Variants in AGBL4 observed in about 807,000 individuals in gnomAD.
AGBL4 encodes the protein AGBL carboxypeptidase 4, also known as cytosolic carboxypeptidase 6.
In AGBL4, 58 loss-of-function variants were observed where a neutral mutation model predicts 66.4. The ratio of observed to expected loss-of-function variants is 0.87; its 90% CI spans 0.71 to 1.09. The LOEUF (loss-of-function observed/expected upper bound fraction) is 1.09. Among genes scored for constraint, AGBL4 ranks in the 50% least tolerant of loss-of-function variants. The probability of loss-of-function intolerance (pLI) is 0.00; values close to 1 mark genes in which losing one functional copy is unlikely to be tolerated. For synonymous variants in AGBL4, 234 were observed against 222.9 expected, an observed-to-expected ratio of 1.05 and a Z score of -0.44; for missense variants, 579 against 631.0, an observed-to-expected ratio of 0.92 and a Z score of 0.88.
chr1:49,196,141 T>C (rs1229551608), intron 4 of AGBL4, among the ~76,000 whole-genome samples: 1 of 152,230 alleles, frequency 6.6e-6, no homozygotes. Context: ...AGTACTTCTT[T>C]ACAGAAGTAT....
intron 11 of AGBL4, among the ~76,000 whole-genome samples, chr1:48,565,458 TACCCCTG>T (rs1489970249): frequency 6.6e-6 from 1 of 152,214 alleles, no homozygotes; most frequent in Non-Finnish European, 1.5e-5. Flanking sequence ...TTCTAGTATC[TACCCCTG>T]AGTCAGGCCT....
intron 2 of AGBL4, among the ~76,000 whole-genome samples, chr1:49,733,805 C>T (rs867030954): frequency 1.3e-5 from 2 of 150,276 alleles, no homozygotes; most frequent in Admixed American, 1.3e-4. Context: ...TACTCTACAA[C>T]CAAAGCCAGG....
At chr1:48,937,063 A>G (rs1379765134) in intron 5 of AGBL4, among the ~76,000 whole-genome samples, 1 of 152,222 alleles carries the variant, frequency 6.6e-6, no homozygotes, top group Non-Finnish European at 1.5e-5. Flanking sequence ...AGGTAAATCA[A>G]GGCCGGAAGT....
At chr1:48,792,340 T>C (rs1645571136) in intron 6 of AGBL4, among the ~76,000 whole-genome samples, 1 of 152,146 alleles carries the variant, frequency 6.6e-6, no homozygotes, top group Admixed American at 6.5e-5. Context: ...TGGACTTGTA[T>C]CAACAACAGT....
At chr1:49,523,615 T>C (rs1179688892) in intron 3 of AGBL4, among the ~76,000 whole-genome samples, 1 of 152,090 alleles carries the variant, frequency 6.6e-6, no homozygotes, top group Non-Finnish European at 1.5e-5. Flanking sequence ...GAAGACTATA[T>C]TCTGAAAAGA....
intron 3 of AGBL4, among the ~76,000 whole-genome samples, chr1:49,320,133 T>C (rs1472882934): frequency 6.6e-6 from 1 of 152,080 alleles, no homozygotes; most frequent in Admixed American, 6.6e-5. Context: ...GGTTTTACCA[T>C]GTTGCCCAGC....
chr1:48,820,296 C>T (rs546227114), intron 6 of AGBL4, among the ~76,000 whole-genome samples: 1 of 152,190 alleles, frequency 6.6e-6, no homozygotes, highest in East Asian at 1.9e-4. Flanking sequence ...ATAACTGGTA[C>T]AGAATATAGA....
intron 3 of AGBL4, among the ~76,000 whole-genome samples, chr1:49,663,228 C>A (rs545585339): frequency 6.6e-6 from 1 of 152,138 alleles, no homozygotes; most frequent in African/African-American, 2.4e-5. Context: ...TGCTGTCCAC[C>A]AAAATTTTGT....
chr1:48,633,199 A>G (rs150906780), intron 9 of AGBL4, among the ~76,000 whole-genome samples: 115 of 152,352 alleles, frequency 7.5e-4, no homozygotes, highest in African/African-American at 2.7e-3. Flanking sequence ...TGAGTTTCAT[A>G]GCCAAGAAAA....
At chr1:48,995,399 T>A (rs919974655) in intron 5 of AGBL4, among the ~76,000 whole-genome samples, 1 of 152,220 alleles carries the variant, frequency 6.6e-6, no homozygotes, top group African/African-American at 2.4e-5. Flanking sequence ...CAGATATTTA[T>A]TGAATGTTTA....
chr1:49,490,703 C>A (rs1330721578), intron 3 of AGBL4, among the ~76,000 whole-genome samples: 1 of 151,656 alleles, frequency 6.6e-6, no homozygotes, highest in Non-Finnish European at 1.5e-5. Flanking sequence ...ATTTGCTTTG[C>A]AAACCACATG....
chr1:48,670,869 G>A (rs1038547726), intron 6 of AGBL4, among the ~76,000 whole-genome samples: 24 of 152,374 alleles, frequency 1.6e-4, no homozygotes, highest in African/African-American at 5.8e-4. Context: ...TTCCCATACA[G>A]GAGCTTTACT....
At chr1:49,634,543 T>C (rs1316256608) in intron 3 of AGBL4, among the ~76,000 whole-genome samples, 1 of 152,216 alleles carries the variant, frequency 6.6e-6, no homozygotes, top group Non-Finnish European at 1.5e-5. Flanking sequence ...TGTGTCTTTA[T>C]GGTAGAATGA....
chr1:49,672,836 G>A (rs923164429), intron 3 of AGBL4, among the ~76,000 whole-genome samples: 3 of 149,550 alleles, frequency 2.0e-5, no homozygotes, highest in Non-Finnish European at 4.4e-5. Context: ...CATGAAAATC[G>A]CTTGAACCCA....
At chr1:49,494,382 G>T (rs1338720789) in intron 3 of AGBL4, among the ~76,000 whole-genome samples, 1 of 151,614 alleles carries the variant, frequency 6.6e-6, no homozygotes, top group East Asian at 1.9e-4. Flanking sequence ...CCACTAACTC[G>T]TCATCTAGCA....
rs565769696 is a variant in AGBL4, at chr1:49,817,767, T to C, written c.157+33629A>G. ...GGCTAACATCTAATCCCATTTGTAATGCTGATCCAGCAAGAAAGAAATTAA... is the reference window on the plus strand; with the variant it reads ...GGCTAACATCTAATCCCATTTGTAACGCTGATCCAGCAAGAAAGAAATTAA... On this transcript the variant is annotated intron_variant, in intron 2 of 13. Transcript: ENST00000371839. Among the ~76,000 whole-genome samples the C allele has an allele frequency of 4.6e-5, 7 of 152,356 alleles. No individual in the cohort carries two copies. The East Asian group carries it at 7.7e-4, about 17-fold the overall frequency.
At chr1:49,392,698 T>TACAC (rs55786055) in intron 3 of AGBL4, among the ~76,000 whole-genome samples, 4,379 of 147,582 alleles carry the variant, frequency 0.03, 152 homozygotes, top group African/African-American at 0.089. Context: ...CAACTGTGTA[T>TACAC]ACACACACAC....
At chr1:49,170,365 T>A (rs1286648887) in intron 4 of AGBL4, among the ~76,000 whole-genome samples, 1 of 143,220 alleles carries the variant, frequency 7.0e-6, no homozygotes, top group East Asian at 2.0e-4. Flanking sequence ...TTTGTCTCAC[T>A]CTTGGTTCCA....
intron 4 of AGBL4, among the ~76,000 whole-genome samples, chr1:49,185,536 T>C (rs1321019601): frequency 1.3e-5 from 2 of 152,238 alleles, no homozygotes; most frequent in East Asian, 3.8e-4. Context: ...AATGTGTCTA[T>C]AGAGCTATTT....
Sources: allele counts gnomAD v4.1 joint callset (sites outside exome capture counted in the v4.1 genomes callset), GRCh38; gene constraint gnomAD v4.1.1; transcripts MANE v1.5; gene names NCBI Gene and HGNC (gene_info 2026-07-23, HGNC 2026-07-21).